The following RERG variants were observed in gnomAD, a reference collection of about 807,000 sequenced individuals.
RERG encodes RAS like estrogen regulated growth inhibitor.
Under a neutral mutation model 23.2 loss-of-function variants are expected in RERG, and 25 were observed. The observed-to-expected ratio is 1.08, with a 90% CI of 0.79 to 1.50. The LOEUF is 1.50. Ranked by LOEUF, RERG falls within the 40% of genes most tolerant of loss-of-function variation. The pLI is 0.00. For synonymous variants in RERG, 81 were observed against 89.1 expected (o/e 0.91, Z 0.51); for missense variants, 253 against 250.1 (o/e 1.01, Z -0.08).
At chr12:15,140,058 C>A (rs145544818) in intron 2 of RERG, among the ~76,000 whole-genome samples, 231 of 152,232 alleles carry the variant, frequency 1.5e-3, no homozygotes, top group African/African-American at 5.4e-3. Flanking sequence ...TCTAATGGAA[C>A]TTCTGTCTGC....
intron 2 of RERG, among the ~76,000 whole-genome samples, chr12:15,193,480 C>T (rs907085784): frequency 2.6e-5 from 4 of 152,146 alleles, no homozygotes; most frequent in Admixed American, 1.3e-4. Flanking sequence ...TGAATCTAAT[C>T]ACTTCTCCAA....
chr12:15,166,884 G>C (rs1864702845), intron 2 of RERG, among the ~76,000 whole-genome samples: 1 of 150,984 alleles, frequency 6.6e-6, no homozygotes, highest in African/African-American at 2.4e-5. Flanking sequence ...AAGTTTTAGG[G>C]TACATGTGCA....
chr12:15,218,585 C>T (rs1329616699), intron 1 of RERG, among the ~76,000 whole-genome samples: 1 of 152,070 alleles, frequency 6.6e-6, no homozygotes, highest in Non-Finnish European at 1.5e-5. Context: ...TTAGGAGGAA[C>T]TATCTTTCTA....
At chr12:15,186,452 A>AAAT (rs1864992261) in intron 2 of RERG, among the ~76,000 whole-genome samples, 1 of 152,104 alleles carries the variant, frequency 6.6e-6, no homozygotes, top group Non-Finnish European at 1.5e-5. Flanking sequence ...AAGAGGTTAA[A>AAAT]AGGAAGATAA....
intron 3 of RERG, among the ~76,000 whole-genome samples, chr12:15,114,267 AC>A (rs1863678367): frequency 6.6e-6 from 1 of 152,182 alleles, no homozygotes. Context: ...AAAAGGGTTG[AC>A]TACATTAAAA....
At position 15,160,991 on chromosome 12, in the gene RERG, C is replaced by T. The variant is rs546104598; in HGVS notation, c.62-39872G>A. Among the ~76,000 whole-genome samples the T allele has an allele frequency of 2.6e-4, 39 of 151,940 alleles. 1 individual carries two copies. Among genetic ancestry groups the T allele is most frequent in the Admixed American group, 2.0e-3 (31 of 15,244 alleles). On this transcript the variant is annotated intron_variant, in intron 2 of 4. Transcript: ENST00000256953. The stretch of plus-strand genomic sequence containing the variant: ...CTCTACTAAAAATACAAAAATTACT[C>T]AGGTGTGGCGGCACATGCTTGTAGT...
At chr12:15,142,312 G>A (rs957544713) in intron 2 of RERG, among the ~76,000 whole-genome samples, 1 of 152,070 alleles carries the variant, frequency 6.6e-6, no homozygotes, top group Admixed American at 6.6e-5. Flanking sequence ...ATATTCTCTT[G>A]CTAGCAACTC....
At chr12:15,126,863 G>A (rs956066363) in intron 2 of RERG, among the ~76,000 whole-genome samples, 4 of 150,986 alleles carry the variant, frequency 2.6e-5, no homozygotes, top group Non-Finnish European at 4.4e-5. Context: ...GACTACAGGC[G>A]CAACCCGCCA....
intron 4 of RERG, chr12:15,111,080 A>C (rs112860513): frequency 2.1e-5 from 6 of 286,114 alleles, no homozygotes; most frequent in Non-Finnish European, 3.2e-5. Flanking sequence ...TATGCCACAA[A>C]ATATAGGTGA....
At chr12:15,148,999 G>A (rs1055468110) in intron 2 of RERG, among the ~76,000 whole-genome samples, 1 of 151,338 alleles carries the variant, frequency 6.6e-6, no homozygotes, top group African/African-American at 2.4e-5. Flanking sequence ...CTCCCGAGTA[G>A]CTGGGACTAC....
chr12:15,218,425 T>TG (rs1865472101), intron 1 of RERG, among the ~76,000 whole-genome samples: 1 of 149,936 alleles, frequency 6.7e-6, no homozygotes, highest in Admixed American at 6.6e-5. Flanking sequence ...GGGGCTGGAG[T>TG]GGGGGTCATC....
intron 2 of RERG, among the ~76,000 whole-genome samples, chr12:15,146,452 T>C (rs1458975474): frequency 6.6e-6 from 1 of 152,188 alleles, no homozygotes; most frequent in African/African-American, 2.4e-5. Context: ...ATAAATTACA[T>C]AGTCACTCTA....
intron 2 of RERG, among the ~76,000 whole-genome samples, chr12:15,181,817 G>A (rs1316972829): frequency 1.3e-5 from 2 of 152,138 alleles, no homozygotes; most frequent in African/African-American, 2.4e-5. Context: ...AGTGAGAAGT[G>A]AGGTCACACA....
intron 2 of RERG, among the ~76,000 whole-genome samples, chr12:15,154,771 T>G (rs1467469606): frequency 6.6e-6 from 1 of 152,236 alleles, no homozygotes; most frequent in African/African-American, 2.4e-5. Context: ...TGTGTCTTAT[T>G]TAGGTGAGAC....
At chr12:15,198,400 G>C (rs1865173158) in intron 2 of RERG, among the ~76,000 whole-genome samples, 1 of 152,068 alleles carries the variant, frequency 6.6e-6, no homozygotes, top group South Asian at 2.1e-4. Context: ...TCTGATTGGG[G>C]CTCCATTCCT....
At chr12:15,118,740 G>A (rs1043274752) in intron 3 of RERG, among the ~76,000 whole-genome samples, 1 of 151,502 alleles carries the variant, frequency 6.6e-6, no homozygotes. Flanking sequence ...GTCATGCCAC[G>A]TAAGATGCCT....
At chr12:15,157,485 A>T (rs1861605) in intron 2 of RERG, among the ~76,000 whole-genome samples, 1 of 152,216 alleles carries the variant, frequency 6.6e-6, no homozygotes, top group African/African-American at 2.4e-5. Flanking sequence ...CTTGGGAAAC[A>T]ACCATGAAAA....
At chr12:15,161,222 G>C (rs551718587) in intron 2 of RERG, among the ~76,000 whole-genome samples, 3 of 122,026 alleles carry the variant, frequency 2.5e-5, no homozygotes, top group Admixed American at 9.3e-5. Flanking sequence ...AAGAAAGAAA[G>C]AAAGAAACAG....
At chr12:15,124,031 T>C (rs1863890255) in intron 2 of RERG, among the ~76,000 whole-genome samples, 1 of 152,196 alleles carries the variant, frequency 6.6e-6, no homozygotes, top group South Asian at 2.1e-4. Context: ...TCTGTGGTTC[T>C]GTTTTAGTAT....
Sources: gnomAD v4.1 joint callset for allele counts (sites outside exome capture counted in the v4.1 genomes callset) on GRCh38, gnomAD v4.1.1 for gene constraint, MANE v1.5 for transcripts, NCBI Gene and HGNC (gene_info 2026-07-23, HGNC 2026-07-21) for gene names.